The following FAM167A variants were observed in gnomAD, a reference collection of about 807,000 sequenced individuals.
FAM167A encodes the protein family with sequence similarity 167 member A.
Under a neutral mutation model 14.9 loss-of-function variants are expected in FAM167A, and 23 were observed. The observed-to-expected ratio is 1.55, with a 90% CI of 1.11 to 2.19. The LOEUF (loss-of-function observed/expected upper bound fraction) is 2.19. FAM167A is among the 30% of genes most tolerant of loss of function. FAM167A has a pLI of 0.00. For missense variants in FAM167A, 401 were observed against 281.5 expected (o/e 1.42, Z -3.04); for synonymous variants, 174 against 117.7 (o/e 1.48, Z -3.10).
chr8:11,432,945 T>C (rs1805716156), intron 2 of FAM167A, among the ~76,000 whole-genome samples: 2 of 152,184 alleles, frequency 1.3e-5, no homozygotes, highest in African/African-American at 4.8e-5. Context: ...ACCATCATTC[T>C]CAGCAAACCA....
At chr8:11,451,188 G>A (rs1425274153) in intron 1 of FAM167A, among the ~76,000 whole-genome samples, 1 of 152,238 alleles carries the variant, frequency 6.6e-6, no homozygotes, top group Admixed American at 6.5e-5. Context: ...GCTCTGAGCT[G>A]GCCGGGGCCG....
chr8:11,449,387 G>T (rs551036232), intron 1 of FAM167A, among the ~76,000 whole-genome samples: 10 of 152,342 alleles, frequency 6.6e-5, no homozygotes, highest in Admixed American at 5.2e-4. Flanking sequence ...ACAGATGCCA[G>T]CACTGGGCAG....
chr8:11,427,078 C>T (rs924545646), intron 2 of FAM167A, among the ~76,000 whole-genome samples: 1 of 152,194 alleles, frequency 6.6e-6, no homozygotes, highest in African/African-American at 2.4e-5. Context: ...TAGGTTTTGT[C>T]TTTGCAGCTA....
At chr8:11,463,697 G>C (rs1417913292) in intron 1 of FAM167A, among the ~76,000 whole-genome samples, 1 of 152,220 alleles carries the variant, frequency 6.6e-6, no homozygotes, top group African/African-American at 2.4e-5. Flanking sequence ...TCCACCTTTG[G>C]ATCAGGATGC....
chr8:11,429,923 T>C (rs929854980), intron 2 of FAM167A, among the ~76,000 whole-genome samples: 2 of 152,232 alleles, frequency 1.3e-5, no homozygotes, highest in Non-Finnish European at 2.9e-5. Context: ...GCAGAAAATA[T>C]GAACTACGCT....
intron 1 of FAM167A, chr8:11,474,594 C>G (rs1226955672): frequency 6.6e-6 from 1 of 152,218 alleles, no homozygotes. Flanking sequence ...TACAGGCACC[C>G]AGAGATGGGC....
intron 1 of FAM167A, among the ~76,000 whole-genome samples, chr8:11,449,740 G>A (rs933853206): frequency 1.3e-5 from 2 of 152,206 alleles, no homozygotes; most frequent in Non-Finnish European, 2.9e-5. Flanking sequence ...GAGGACCCAT[G>A]CCACACACAG....
chr8:11,430,300 G>C (rs1805490570), intron 2 of FAM167A, among the ~76,000 whole-genome samples: 1 of 152,234 alleles, frequency 6.6e-6, no homozygotes, highest in Non-Finnish European at 1.5e-5. Flanking sequence ...TGGTGACAGG[G>C]TGTCCCCACC....
intron 2 of FAM167A, chr8:11,438,229 GA>G: frequency 2.3e-6 from 1 of 432,956 alleles, no homozygotes; most frequent in South Asian, 1.7e-5. Context: ...CTGCTGTGGG[GA>G]TCCTCCAACT....
intron 2 of FAM167A, among the ~76,000 whole-genome samples, chr8:11,439,178 A>C (rs1806263874): frequency 6.6e-6 from 1 of 152,192 alleles, no homozygotes; most frequent in South Asian, 2.1e-4. Flanking sequence ...CAGTTCTACA[A>C]CCTTTCTGAG....
upstream of FAM167A, among the ~76,000 whole-genome samples, chr8:11,469,723 A>G (rs937010130): frequency 1.6e-4 from 24 of 151,860 alleles, no homozygotes; most frequent in African/African-American, 5.6e-4. Context: ...ATGAAGAAGA[A>G]GAAAGAAAAC....
chr8:11,448,956 G>T (rs1806907990), intron 1 of FAM167A, among the ~76,000 whole-genome samples: 1 of 152,240 alleles, frequency 6.6e-6, no homozygotes, highest in Admixed American at 6.5e-5. Context: ...AAACTGTAAA[G>T]AGCTGTACCC....
At chr8:11,428,637 C>A (rs7844834) in intron 2 of FAM167A, among the ~76,000 whole-genome samples, 51,435 of 152,108 alleles carry the variant, frequency 0.34, 9,919 homozygotes, top group African/African-American at 0.51. Context: ...TATGGGTTCT[C>A]ACATTTAGAT....
intron 1 of FAM167A, among the ~76,000 whole-genome samples, chr8:11,447,917 C>T (rs904837430): frequency 6.6e-5 from 10 of 152,172 alleles, no homozygotes; most frequent in African/African-American, 2.4e-4. Context: ...AAGAATTGGC[C>T]GGGCGCCGTG....
Position 11,421,565 on chromosome 8 carries a change from A to G in FAM167A, c.*2808T>C. 2.5e-6 allele frequency: 1 copy of G among 397,488 alleles called. No homozygotes were observed. The highest frequency in any genetic ancestry group is 4.4e-6 in the Non-Finnish European group (1 of 225,638). 24.6% of individuals were successfully genotyped at this position (397,488 alleles called of 1,614,324 possible). On this transcript the variant is annotated 3_prime_UTR_variant, in exon 3 of 3. Coordinates refer to ENST00000284486, the MANE Select transcript of FAM167A (RefSeq NM_053279.3). ...AGAAACAAATAATCATAAAAAATAA[A>G]AGTATAAATCGTCCATTGATTATGT...
At chr8:11,426,010 G>C (rs1805114810) in intron 2 of FAM167A, among the ~76,000 whole-genome samples, 1 of 152,146 alleles carries the variant, frequency 6.6e-6, no homozygotes, top group Admixed American at 6.5e-5. Context: ...GGTCTGAAAA[G>C]AGATATTTAC....
At chr8:11,427,340 A>ACT (rs1805245773) in intron 2 of FAM167A, among the ~76,000 whole-genome samples, 1 of 152,244 alleles carries the variant, frequency 6.6e-6, no homozygotes, top group Non-Finnish European at 1.5e-5. Context: ...GGCTTAGTGC[A>ACT]GAGCGCCTTC....
chr8:11,424,119 C>T lies in FAM167A; in HGVS notation c.*254G>A. On this transcript the variant is annotated 3_prime_UTR_variant, in exon 3 of 3. Transcript: ENST00000284486. ...TGGTGGGAACCCAGGTCTCCTTTAA[C>T]ATCTTGGTTGGAGCGGCCCTTCTGC... 1 of 487,278 alleles carries T rather than the reference C, an allele frequency of 2.1e-6. No homozygotes were observed. The highest frequency in any genetic ancestry group is 1.9e-5 in the African/African-American group (1 of 52,156). The allele number at this position is 487,278 out of a possible 1,614,324, so 30.2% of individuals were successfully genotyped here.
rs115799447 is a variant in FAM167A, at chr8:11,460,748, C to T, written c.-398+5878G>A. On this transcript the variant is annotated intron_variant, in intron 1 of 2. Transcript: ENST00000284486. Reference sequence around the variant, plus strand: ...CACACCAGAGCCATCGAAAGAACTGCCCCAGGTCCCACAGCTCCATGAGTG... The same window carrying T: ...CACACCAGAGCCATCGAAAGAACTGTCCCAGGTCCCACAGCTCCATGAGTG... 9.3e-3 allele frequency among the ~76,000 whole-genome samples: 1,411 copies of T among 152,240 alleles called. 28 individuals carry two copies. Among genetic ancestry groups the T allele is most frequent in the African/African-American group, 0.032 (1,341 of 41,532 alleles).
Sources: gnomAD v4.1 joint callset for allele counts (sites outside exome capture counted in the v4.1 genomes callset) on GRCh38, gnomAD v4.1.1 for gene constraint, MANE v1.5 for transcripts, NCBI Gene and HGNC (gene_info 2026-07-23, HGNC 2026-07-21) for gene names.